Variants in GPRC6A observed in about 807,000 individuals in gnomAD.
The protein encoded by GPRC6A is G protein-coupled receptor class C group 6 member A.
Under a neutral mutation model 47.0 loss-of-function variants are expected in GPRC6A, and 54 were observed. That is an observed-to-expected ratio of 1.15 (90% CI 0.92 to 1.44). The LOEUF is 1.44. GPRC6A is among the 40% of genes most tolerant of loss of function. The pLI is 0.00. For missense variants in GPRC6A, 1,112 were observed against 1,105.5 expected (o/e 1.01, Z -0.08); for synonymous variants, 347 against 377.1 (o/e 0.92, Z 0.93).
chr6:116,813,195 T>C (rs1006302252), intron 1 of GPRC6A, among the ~76,000 whole-genome samples: 1 of 152,156 alleles, frequency 6.6e-6, no homozygotes, highest in Non-Finnish European at 1.5e-5. Flanking sequence ...AGGTAATTTA[T>C]AGATTCAATG....
intron 1 of GPRC6A, among the ~76,000 whole-genome samples, chr6:116,822,696 C>T (rs1159261408): frequency 7.6e-6 from 1 of 131,424 alleles, no homozygotes; most frequent in African/African-American, 2.9e-5. Flanking sequence ...GAATATCACA[C>T]TCTGGGAACT....
intron 1 of GPRC6A, among the ~76,000 whole-genome samples, chr6:116,816,299 G>A (rs912804003): frequency 6.6e-6 from 1 of 152,192 alleles, no homozygotes; most frequent in Non-Finnish European, 1.5e-5. Flanking sequence ...CAGGCATTTG[G>A]TAAATACTCC....
Position 116,828,952 on chromosome 6 carries a change from C to A in GPRC6A, c.62G>T (p.Cys21Phe), listed in dbSNP as rs775223423. The A allele has an allele frequency of 6.2e-7, 1 of 1,613,106 alleles. No individual in the cohort carries two copies. The highest frequency in any genetic ancestry group is 8.5e-7 in the Non-Finnish European group (1 of 1,179,468). Residue 21 changes from cysteine to phenylalanine, a missense_variant, in exon 1 of 6, where the codon TGC becomes TTC. Cys to Phe is a radical substitution (Grantham distance 205). Coordinates refer to ENST00000310357, the MANE Select transcript of GPRC6A (RefSeq NM_148963.4). ...AGCCACAAAGTCATCAGGGGTCTGG[C>A]AAGGCTGTGAAGTAGCAAGAATAAT... ...FVIILATSQP[C>F]QTPDDFVAAT...
intron 1 of GPRC6A, among the ~76,000 whole-genome samples, chr6:116,817,341 G>A (rs1474138242): frequency 6.6e-6 from 1 of 151,910 alleles, no homozygotes; most frequent in African/African-American, 2.4e-5. Context: ...CTGTTAGAAG[G>A]AAAACTAACA....
intron 1 of GPRC6A, among the ~76,000 whole-genome samples, chr6:116,820,578 C>T (rs1167071471): frequency 1.3e-5 from 2 of 148,478 alleles, no homozygotes; most frequent in African/African-American, 5.0e-5. Flanking sequence ...AAATGTAATC[C>T]AGCATATAAA....
At chr6:116,818,208 G>C (rs2114613216) in intron 1 of GPRC6A, among the ~76,000 whole-genome samples, 1 of 152,194 alleles carries the variant, frequency 6.6e-6, no homozygotes, top group East Asian at 1.9e-4. Context: ...CAAGCCAGAA[G>C]AGAGTGGGGG....
At chr6:116,806,259 T>A in intron 3 of GPRC6A, 111 bp downstream of exon 3, 3 of 695,668 alleles carry the variant, frequency 4.3e-6, no homozygotes, top group Non-Finnish European at 7.5e-6. Flanking sequence ...TGTCTATTTA[T>A]AAAAGGAATA....
chr6:116,804,420 A>C (rs1385344566), intron 3 of GPRC6A, among the ~76,000 whole-genome samples: 14 of 152,136 alleles, frequency 9.2e-5, no homozygotes, highest in Admixed American at 7.9e-4. Context: ...ATCCTTAAGA[A>C]TGTATCATTG....
intron 1 of GPRC6A, among the ~76,000 whole-genome samples, chr6:116,812,014 A>G (rs1278391867): frequency 6.6e-6 from 1 of 152,174 alleles, no homozygotes; most frequent in Non-Finnish European, 1.5e-5. Context: ...ACATCCAGAT[A>G]CAGGAGGCCC....
Position 116,800,731 on chromosome 6 carries a change from G to A in GPRC6A, c.1401C>T (p.His467=), listed in dbSNP as rs6917467. The A allele has an allele frequency of 1, 1,606,146 of 1,611,636 alleles. 800,477 individuals carry two copies. Among genetic ancestry groups the A allele is most frequent in the East Asian group, 1 (44,864 of 44,864 alleles). The change falls in exon 4 of 6, where the codon CAC becomes CAT. Residue 467 remains histidine, a synonymous_variant. Coordinates refer to ENST00000310357, the MANE Select transcript of GPRC6A (RefSeq NM_148963.4). The stretch of plus-strand genomic sequence containing the variant: ...CATCATATCCAGTATTTAAATCCCC[G>A]TGAGCATCAAAATGAAATGAATTCC... ...DGWNSFHFDA[H]GDLNTGYDVV...
intron 1 of GPRC6A, among the ~76,000 whole-genome samples, chr6:116,820,156 A>T (rs1773410113): frequency 6.6e-6 from 1 of 151,306 alleles, no homozygotes; most frequent in Non-Finnish European, 1.5e-5. Context: ...AGACTAAACC[A>T]GGAAGAAGTT....
chr6:116,794,998 G>A (rs908744721), intron 5 of GPRC6A, among the ~76,000 whole-genome samples: 1 of 152,130 alleles, frequency 6.6e-6, no homozygotes, highest in Non-Finnish European at 1.5e-5. Flanking sequence ...AGATGAATGG[G>A]AATGCTCTAA....
chr6:116,808,952 C>T (rs1202409324), intron 2 of GPRC6A, among the ~76,000 whole-genome samples: 4 of 152,084 alleles, frequency 2.6e-5, no homozygotes, highest in African/African-American at 7.2e-5. Flanking sequence ...ACATGCAAAC[C>T]GTCCCAGGGC....
intron 4 of GPRC6A, among the ~76,000 whole-genome samples, chr6:116,796,050 T>A (rs1281439274): frequency 1.3e-5 from 2 of 152,138 alleles, no homozygotes; most frequent in Admixed American, 6.6e-5. Flanking sequence ...GTTGCATTAA[T>A]AACTTCTGTA....
At chr6:116,817,502 A>G (rs1236949334) in intron 1 of GPRC6A, among the ~76,000 whole-genome samples, 1 of 152,254 alleles carries the variant, frequency 6.6e-6, no homozygotes, top group African/African-American at 2.4e-5. Context: ...AAAGGAACGC[A>G]GTTCCTCACC....
At chr6:116,805,828 A>G (rs1320359794) in intron 3 of GPRC6A, among the ~76,000 whole-genome samples, 1 of 152,044 alleles carries the variant, frequency 6.6e-6, no homozygotes, top group Non-Finnish European at 1.5e-5. Flanking sequence ...AAAGACCATT[A>G]GAGTCTTTAT....
Position 116,793,226 on chromosome 6 carries a change from T to C in GPRC6A, c.1697A>G (p.Asn566Ser), listed in dbSNP as rs1437756715. 6.2e-7 allele frequency: 1 copy of C among 1,600,532 alleles called. No homozygotes were observed. The highest frequency in any genetic ancestry group is 8.5e-7 in the Non-Finnish European group (1 of 1,174,926). The change falls in exon 6 of 6, where the codon AAC becomes AGC. Residue 566 changes from asparagine to serine, a missense_variant. Transcript: ENST00000310357. ...AACAGGGGCCCAGTGAGTTTTGTTGTTGCATAAAAGGCAGTGAGGCATATC... is the reference window on the plus strand; with the variant it reads ...AACAGGGGCCCAGTGAGTTTTGTTGCTGCATAAAAGGCAGTGAGGCATATC... ...QTDMPHCLLC[N>S]NKTHWAPVRS...
At chr6:116,795,384 C>T (rs1383141896) in intron 5 of GPRC6A, among the ~76,000 whole-genome samples, 1 of 152,086 alleles carries the variant, frequency 6.6e-6, no homozygotes, top group Non-Finnish European at 1.5e-5. Flanking sequence ...AAGCCAAGCA[C>T]ATCTGTATAG....
At chr6:116,807,231 T>A (rs889517342) in intron 2 of GPRC6A, 25 bp from the exon 3 acceptor site, 1 of 1,459,836 alleles carries the variant, frequency 6.9e-7, no homozygotes, top group East Asian at 2.3e-5. Flanking sequence ...AATATTTTAG[T>A]TATGGTGTTG....
Sources: gnomAD v4.1 joint callset for allele counts (sites outside exome capture counted in the v4.1 genomes callset) on GRCh38, gnomAD v4.1.1 for gene constraint, MANE v1.5 for transcripts, NCBI Gene and HGNC (gene_info 2026-07-23, HGNC 2026-07-21) for gene names.